CCDC40: variants seen among roughly 807,000 people sequenced by gnomAD.
The protein encoded by CCDC40 is coiled-coil domain 40 molecular ruler complex subunit, also known as coiled-coil domain-containing protein 40.
Under a neutral mutation model 124.5 loss-of-function variants are expected in CCDC40, and 104 were observed. The ratio of observed to expected loss-of-function variants is 0.84; its 90% CI spans 0.71 to 0.98. The LOEUF (loss-of-function observed/expected upper bound fraction) is 0.98, where lower values mean the gene tolerates loss of function less well. Ranked by LOEUF, CCDC40 falls within the 50% of genes least tolerant of loss-of-function variation. The pLI, the probability that CCDC40 is intolerant of heterozygous loss-of-function variation, is 0.00. For synonymous variants in CCDC40, 580 were observed against 602.9 expected (o/e 0.96, Z 0.56); for missense variants, 1,463 against 1,503.9 (o/e 0.97, Z 0.45).
chr17:80,087,890 G>T lies in CCDC40; in HGVS notation c.2619+114G>T, dbSNP rs950339497. 1.1e-5 allele frequency: 14 copies of T among 1,292,272 alleles called. No individual in the cohort carries two copies. In the Admixed American group the frequency reaches 2.4e-4, roughly 22 times the overall value. 80.1% of individuals were successfully genotyped at this position (1,292,272 alleles called of 1,614,324 possible). ...ATTTCCACACCCGTTCAAGATGCTTGTAGGGGTATTAGAAATCCAGCCTGC... is the reference window on the plus strand; with the variant it reads ...ATTTCCACACCCGTTCAAGATGCTTTTAGGGGTATTAGAAATCCAGCCTGC... On this transcript the variant is annotated intron_variant, in intron 15 of 19. Coordinates refer to ENST00000397545, the MANE Select transcript of CCDC40 (RefSeq NM_017950.4). This position sits in a 1 kb window ranked among gnomAD's most constrained non-coding sequence, Gnocchi z 4.5.
At chr17:80,064,861 T>C (rs931399674) in intron 9 of CCDC40, among the ~76,000 whole-genome samples, 1 of 151,602 alleles carries the variant, frequency 6.6e-6, no homozygotes. Flanking sequence ...CATCCAGCCC[T>C]GGCCATTCTT....
rs191747480 is a variant in CCDC40, at chr17:80,087,561, C to G, written c.2450-46C>G. On this transcript the variant is annotated intron_variant, in intron 14 of 19. Coordinates refer to ENST00000397545, the MANE Select transcript of CCDC40 (RefSeq NM_017950.4). This position sits in a 1 kb window ranked among gnomAD's most constrained non-coding sequence, Gnocchi z 4.5. Reference sequence around the variant, plus strand: ...ACACTGCTGCCTGCGGGCGAGGACCCGTACCCTCCTGGGGTCTCTCCCTGA... The same window carrying G: ...ACACTGCTGCCTGCGGGCGAGGACCGGTACCCTCCTGGGGTCTCTCCCTGA... 2 of 1,568,452 alleles carry G rather than the reference C, an allele frequency of 1.3e-6. No individual in the cohort carries two copies. The highest frequency in any genetic ancestry group is 1.3e-5 in the African/African-American group (1 of 74,096).
At chr17:80,071,988 C>A (rs879625656) in intron 10 of CCDC40, among the ~76,000 whole-genome samples, 1 of 152,022 alleles carries the variant, frequency 6.6e-6, no homozygotes, top group Non-Finnish European at 1.5e-5. Flanking sequence ...AGACATGCAC[C>A]ACCACCATGC....
At position 80,087,994 on chromosome 17, in the gene CCDC40, C is replaced by A. The variant is rs976388296; in HGVS notation, c.2620-17C>A. ...CATGGCCCTCCCCACAGCTGTCCCG[C>A]CCCCTCCCCCATGCAGGCCTCTGAG... On this transcript the variant is annotated splice_polypyrimidine_tract_variant and intron_variant, in intron 15 of 19. Transcript: ENST00000397545. This position sits in a 1 kb window ranked among gnomAD's most constrained non-coding sequence, Gnocchi z 4.5. 1 of 1,578,096 alleles carries A rather than the reference C, an allele frequency of 6.3e-7. No individual in the cohort carries two copies.
In CCDC40 at chr17:80,090,593, C is replaced by T. The variant is rs1336507857; in HGVS notation, c.2832+709C>T. 1.4e-5 allele frequency: 21 copies of T among 1,487,768 alleles called. No individual in the cohort carries two copies. In the East Asian group the frequency reaches 1.5e-4, roughly 11 times the overall value. The allele number at this position is 1,487,768 out of a possible 1,614,324, so 92.2% of individuals were successfully genotyped here. A position where few individuals can be genotyped will look rare whatever the true frequency, so the allele number is the denominator to read the frequency against. The stretch of plus-strand genomic sequence containing the variant: ...ACCCTCAAACTTTGTGACCCTCTAA[C>T]GTATCCCACTGTGAGACAGTCTCAC... On this transcript the variant is annotated intron_variant, in intron 17 of 19. Transcript: ENST00000397545.
intron 7 of CCDC40, among the ~76,000 whole-genome samples, chr17:80,051,621 T>A (rs1167779548): frequency 1.1e-5 from 1 of 94,118 alleles, no homozygotes; most frequent in Admixed American, 1.8e-4. Flanking sequence ...AGAGCGAGAC[T>A]CCGTCTCAAA....
At chr17:80,098,640 G>A (rs1252866976) in intron 19 of CCDC40, among the ~76,000 whole-genome samples, 1 of 152,220 alleles carries the variant, frequency 6.6e-6, no homozygotes, top group Non-Finnish European at 1.5e-5. Flanking sequence ...CACGGCAGGT[G>A]TCAAGAAGGT....
intron 10 of CCDC40, among the ~76,000 whole-genome samples, chr17:80,073,674 AAG>A (rs147810323): frequency 0.12 from 18,423 of 152,100 alleles, 1,219 homozygotes; most frequent in Middle Eastern, 0.2. Context: ...AAGTGAAAGG[AAG>A]AGTCTCATGC....
intron 10 of CCDC40, chr17:80,067,195 C>T (rs1451194995): frequency 7.2e-6 from 2 of 278,692 alleles, no homozygotes; most frequent in Non-Finnish European, 1.4e-5. Flanking sequence ...GTCCAGCTCT[C>T]CCCTGCATCC....
intron 7 of CCDC40, among the ~76,000 whole-genome samples, chr17:80,054,265 T>A (rs1221725782): frequency 9.9e-5 from 15 of 152,100 alleles, no homozygotes; most frequent in South Asian, 2.1e-4. Flanking sequence ...GGGGGAGGGT[T>A]TTTTTTGTTT....
rs780538533 is a variant in CCDC40, at chr17:80,086,256, C to T, written c.2449+40C>T. 2.4e-5 allele frequency: 36 copies of T among 1,529,956 alleles called. No homozygotes were observed. In the East Asian group the frequency reaches 5.8e-4, roughly 25 times the overall value. The allele number at this position is 1,529,956 out of a possible 1,614,324, so 94.8% of individuals were successfully genotyped here. On this transcript the variant is annotated intron_variant, in intron 14 of 19. Coordinates refer to ENST00000397545, the MANE Select transcript of CCDC40 (RefSeq NM_017950.4). The surrounding 1 kb of genome is among the most constrained non-coding windows in gnomAD (Gnocchi z 5.5). Reference sequence around the variant, plus strand: ...GCCCGGCCCTGCAGTGATGCTGAGACGAGCTCTGGGACGTGGGCACCTCCC... The same window carrying T: ...GCCCGGCCCTGCAGTGATGCTGAGATGAGCTCTGGGACGTGGGCACCTCCC...
rs766716173 is a variant in CCDC40, at chr17:80,099,670, C to G, written c.3324C>G (p.Ala1108=). 9.3e-6 allele frequency: 15 copies of G among 1,613,944 alleles called. No homozygotes were observed. Among genetic ancestry groups the G allele is most frequent in the Non-Finnish European group, 1.3e-5 (15 of 1,180,032 alleles). The change falls in exon 20 of 20, where the codon GCC becomes GCG. Residue 1108 remains alanine (A), a synonymous_variant. Transcript: ENST00000397545. ...TGGACAAGCGACTGGCTCTCATCGC[C>G]ACCATCCTGGACCGCGTGCGGGACG... ...QRLDKRLALI[A]TILDRVRDEY...
intron 1 of CCDC40, among the ~76,000 whole-genome samples, chr17:80,037,688 A>AAAAAAAAAAAAATATATATATATAT: frequency 2.2e-5 from 1 of 45,678 alleles, no homozygotes; most frequent in African/African-American, 5.9e-5. Context: ...TTTTTTAAAA[A>AAAAAAAAAAAAATATATATATATAT]AGATATACAT....
Position 80,081,950 on chromosome 17 carries a change from G to C in CCDC40, c.1881G>C (p.Lys627Asn), listed in dbSNP as rs1201786642. ...AIQGELELRR[K>N]TDAAIREKLQ... is the part of the protein sequence containing the mutation. ...AGGGCGAGCTGGAGCTCAGGAGGAA[G>C]ACGGATGCTGCCATCCGGGAGAAGC... Residue 627 changes from lysine to asparagine, a missense_variant, in exon 12 of 20, where the codon AAG (lysine) becomes AAC (asparagine). Coordinates refer to ENST00000397545, the MANE Select transcript of CCDC40 (RefSeq NM_017950.4). 4.3e-6 allele frequency: 7 copies of C among 1,613,950 alleles called. No homozygotes were observed. The highest frequency in any genetic ancestry group is 5.9e-6 in the Non-Finnish European group (7 of 1,179,932).
At chr17:80,065,667 GC>G in intron 10 of CCDC40, 61 bp downstream of exon 10, 1 of 1,601,620 alleles carries the variant, frequency 6.2e-7, no homozygotes, top group Non-Finnish European at 8.5e-7. Context: ...TGGCAGGCCC[GC>G]CCCACACCCC....
intron 10 of CCDC40, among the ~76,000 whole-genome samples, chr17:80,069,089 C>G (rs934273327): frequency 6.6e-6 from 1 of 152,174 alleles, no homozygotes; most frequent in Non-Finnish European, 1.5e-5. Context: ...CCTCCTGACA[C>G]CCATGGCATT....
At chr17:80,038,345 A>G (rs951201240) in intron 2 of CCDC40, among the ~76,000 whole-genome samples, 159 bp downstream of exon 2, 1 of 152,176 alleles carries the variant, frequency 6.6e-6, no homozygotes, top group African/African-American at 2.4e-5. Flanking sequence ...AGCCTGGCCA[A>G]CATGGTAAAA....
Position 80,065,492 on chromosome 17 carries a change from C to T in CCDC40, c.1448C>T (p.Thr483Ile). The change falls in exon 10 of 20, where the codon ACC (threonine) becomes ATC (isoleucine). Residue 483 changes from threonine (T) to isoleucine (I), a missense_variant. Physicochemically the swap from Thr to Ile is moderately conservative, Grantham distance 89. Coordinates refer to ENST00000397545, the MANE Select transcript of CCDC40 (RefSeq NM_017950.4). ...ILRKAVSEAC[T>I]EIDAISVEKR... is the part of the protein sequence containing the mutation. The stretch of plus-strand genomic sequence containing the variant: ...CTCCCCTGTTGGCTGCAGGCCTGCA[C>T]CGAGATCGACGCCATCAGCGTGGAG... 1.2e-6 allele frequency: 2 copies of T among 1,613,128 alleles called. No homozygotes were observed. Among genetic ancestry groups the T allele is most frequent in the African/African-American group, 1.3e-5 (1 of 75,018 alleles).
chr17:80,045,619 A>G (rs538619684), intron 3 of CCDC40, among the ~76,000 whole-genome samples: 1 of 152,186 alleles, frequency 6.6e-6, no homozygotes, highest in South Asian at 2.1e-4. Context: ...CAAGAGAATC[A>G]CTTGAACCCA....
Sources: allele counts gnomAD v4.1 joint callset (sites outside exome capture counted in the v4.1 genomes callset), GRCh38; gene constraint gnomAD v4.1.1; non-coding constraint Gnocchi (gnomAD v3.1); transcripts MANE v1.5; gene names NCBI Gene and HGNC (gene_info 2026-07-23, HGNC 2026-07-21).